The following PKD2L2 variants were observed in gnomAD, a reference collection of about 807,000 sequenced individuals.
PKD2L2 encodes the protein polycystin-2-like protein 2.
Under a neutral mutation model 83.9 loss-of-function variants are expected in PKD2L2, and 67 were observed. That is an observed-to-expected ratio of 0.80 (90% CI 0.66 to 0.98). PKD2L2 has a LOEUF of 0.98. Ranked by LOEUF, PKD2L2 falls within the 50% of genes least tolerant of loss-of-function variation. The pLI is 0.00. For synonymous variants in PKD2L2, 223 were observed against 237.8 expected, an observed-to-expected ratio of 0.94 and a Z score of 0.57; for missense variants, 632 against 717.2, an observed-to-expected ratio of 0.88 and a Z score of 1.36.
rs200652572 is a variant in PKD2L2, at chr5:137,890,598, T to C, written c.133+16T>C. Reference sequence around the variant, plus strand: ...CTATGTATATGTAAGTACACAGATATAAAGATGCTGTTTGTTTGAACTAAG... The same window carrying C: ...CTATGTATATGTAAGTACACAGATACAAAGATGCTGTTTGTTTGAACTAAG... On this transcript the variant is annotated intron_variant, in intron 2 of 14. Transcript: ENST00000508883. 1.5e-4 allele frequency: 152 copies of C among 1,048,230 alleles called. No homozygotes were observed. Among genetic ancestry groups the C allele is most frequent in the East Asian group, 4.2e-4 (16 of 38,370 alleles). The allele number at this position is 1,048,230 out of a possible 1,614,324, so 64.9% of individuals were successfully genotyped here.
intron 6 of PKD2L2, 66 bp from the exon 7 acceptor site, chr5:137,907,676 A>G (rs1757474153): frequency 1.1e-6 from 1 of 940,806 alleles, no homozygotes; most frequent in Admixed American, 3.0e-5. Flanking sequence ...GTGTTTCCTC[A>G]TAGGCTGTAA....
intron 6 of PKD2L2, 42 bp from the exon 7 acceptor site, chr5:137,907,700 A>C: frequency 3.0e-5 from 36 of 1,189,290 alleles, no homozygotes; most frequent in Non-Finnish European, 4.1e-5. Context: ...ATTTAGAGGT[A>C]GAGATATTCT....
intron 10 of PKD2L2, among the ~76,000 whole-genome samples, chr5:137,924,830 A>C (rs1344328512): frequency 6.6e-6 from 1 of 152,178 alleles, no homozygotes; most frequent in Admixed American, 6.6e-5. Flanking sequence ...AATGCCCCCA[A>C]CAGAAGAACC....
At chr5:137,924,329 C>T (rs1232642371) in intron 10 of PKD2L2, among the ~76,000 whole-genome samples, 1 of 152,198 alleles carries the variant, frequency 6.6e-6, no homozygotes, top group East Asian at 1.9e-4. Flanking sequence ...TACTGTATGT[C>T]CCGGCTAATC....
At chr5:137,923,074 C>T (rs1051713443) in intron 9 of PKD2L2, among the ~76,000 whole-genome samples, 27 of 147,792 alleles carry the variant, frequency 1.8e-4, no homozygotes, top group African/African-American at 5.9e-4. Context: ...TGCAGTGGTG[C>T]GATCTCACTC....
At chr5:137,896,178 C>CAA (rs200945660) in intron 4 of PKD2L2, among the ~76,000 whole-genome samples, 1 of 96,580 alleles carries the variant, frequency 1.0e-5, no homozygotes, top group Non-Finnish European at 2.2e-5. Context: ...AACTCCGTCT[C>CAA]AAAAAAAAAA....
chr5:137,936,511 A>AGT, intron 14 of PKD2L2, 84 bp downstream of exon 14: 1 of 1,145,926 alleles, frequency 8.7e-7, no homozygotes, highest in South Asian at 1.4e-5. Flanking sequence ...GCTGGAGTGC[A>AGT]GTGGCGTGGT....
At chr5:137,920,188 A>G (rs1238523473) in intron 8 of PKD2L2, among the ~76,000 whole-genome samples, 1 of 152,178 alleles carries the variant, frequency 6.6e-6, no homozygotes, top group African/African-American at 2.4e-5. Context: ...GCGTGATAAG[A>G]GTGAAACACC....
intron 10 of PKD2L2, among the ~76,000 whole-genome samples, chr5:137,924,510 A>G (rs1255670537): frequency 1.3e-5 from 2 of 152,132 alleles, no homozygotes; most frequent in Non-Finnish European, 2.9e-5. Flanking sequence ...GCAGAGTTAT[A>G]TGTGTACCAG....
At chr5:137,941,481 T>C (rs1487857827) in intron 14 of PKD2L2, among the ~76,000 whole-genome samples, 1 of 152,200 alleles carries the variant, frequency 6.6e-6, no homozygotes, top group African/African-American at 2.4e-5. Context: ...TGTGCCATAC[T>C]GTATTATAGG....
At chr5:137,913,463 T>C (rs1010174659) in intron 8 of PKD2L2, among the ~76,000 whole-genome samples, 7 of 151,560 alleles carry the variant, frequency 4.6e-5, no homozygotes, top group African/African-American at 7.3e-5. Flanking sequence ...GGGATACAGC[T>C]GTGAGTCACT....
chr5:137,919,279 C>CA (rs1251320019), intron 8 of PKD2L2, among the ~76,000 whole-genome samples: 3 of 151,752 alleles, frequency 2.0e-5, no homozygotes, highest in Non-Finnish European at 4.4e-5. Flanking sequence ...TTTTAGCTTG[C>CA]AAAAAAGAAA....
chr5:137,919,692 C>T (rs1758714191), intron 8 of PKD2L2, among the ~76,000 whole-genome samples: 1 of 152,126 alleles, frequency 6.6e-6, no homozygotes, highest in Non-Finnish European at 1.5e-5. Flanking sequence ...GTATTAAAAG[C>T]AAGATAAATA....
chr5:137,895,581 G>A (rs1207852550), intron 4 of PKD2L2, among the ~76,000 whole-genome samples: 13 of 151,288 alleles, frequency 8.6e-5, no homozygotes, highest in African/African-American at 2.4e-4. Context: ...TGCACACTTT[G>A]TGCTTTTAGA....
intron 8 of PKD2L2, among the ~76,000 whole-genome samples, chr5:137,916,137 T>C (rs1489727634): frequency 1.3e-5 from 2 of 151,894 alleles, no homozygotes; most frequent in African/African-American, 2.4e-5. Context: ...CCCAAAGTGC[T>C]GGGATCACAG....
At chr5:137,905,288 G>A (rs895597368) in intron 5 of PKD2L2, among the ~76,000 whole-genome samples, 32 of 151,746 alleles carry the variant, frequency 2.1e-4, no homozygotes, top group East Asian at 5.8e-4. Flanking sequence ...CACCTTATCC[G>A]TTTATTTTCG....
At chr5:137,939,228 A>AAAAAAAAAAGAT (rs1760978463) in intron 14 of PKD2L2, 1 of 149,566 alleles carries the variant, frequency 6.7e-6, no homozygotes. Context: ...TAGGAGGGGA[A>AAAAAAAAAAGAT]AAAAAAAAAG....
chr5:137,893,132 C>G (rs769001437), intron 3 of PKD2L2, among the ~76,000 whole-genome samples: 1 of 152,026 alleles, frequency 6.6e-6, no homozygotes, highest in Non-Finnish European at 1.5e-5. Flanking sequence ...AGAAGACTTG[C>G]ATCTACTATG....
At chr5:137,917,646 A>G (rs1283788760) in intron 8 of PKD2L2, among the ~76,000 whole-genome samples, 9 of 151,550 alleles carry the variant, frequency 5.9e-5, no homozygotes, top group Admixed American at 1.3e-4. Context: ...CTCTTTATTG[A>G]TATTTCCATT....
Sources: gnomAD v4.1 joint callset for allele counts (sites outside exome capture counted in the v4.1 genomes callset) on GRCh38, gnomAD v4.1.1 for gene constraint, MANE v1.5 for transcripts, NCBI Gene and HGNC (gene_info 2026-07-23, HGNC 2026-07-21) for gene names.